Variants in PXDN observed in about 807,000 individuals in gnomAD.
PXDN encodes peroxidasin.
PXDN carries 77 observed loss-of-function variants against 140.3 expected under a neutral mutation model. The observed-to-expected ratio is 0.55, with a 90% confidence interval of 0.46 to 0.66. The LOEUF (loss-of-function observed/expected upper bound fraction) is 0.66. Ranked by LOEUF, PXDN falls within the 30% of genes least tolerant of loss-of-function variation. The probability of loss-of-function intolerance (pLI) is 0.00; values close to 1 mark genes in which losing one functional copy is unlikely to be tolerated. For synonymous variants in PXDN, 911 were observed against 857.4 expected, an observed-to-expected ratio of 1.06 and a Z score of -1.09; for missense variants, 1,838 against 2,039.5, an observed-to-expected ratio of 0.90 and a Z score of 1.90.
At chr2:1,694,837 A>C (rs1650115342) in intron 1 of PXDN, among the ~76,000 whole-genome samples, 1 of 152,196 alleles carries the variant, frequency 6.6e-6, no homozygotes, top group African/African-American at 2.4e-5. Flanking sequence ...GATCAAGTAC[A>C]GATAAGGAGA....
intron 1 of PXDN, among the ~76,000 whole-genome samples, chr2:1,702,120 C>T (rs116643878): frequency 3.3e-5 from 5 of 152,214 alleles, no homozygotes; most frequent in African/African-American, 1.2e-4. Context: ...TGGCCCTCAG[C>T]TAAAGAAACC....
chr2:1,663,768 A>G lies in PXDN; in HGVS notation c.1409-5T>C. ...GGTCCACGGAGAGCTGGCTCCCTGC[A>G]AGGGCATGGGCCCGTTACACTGGAC... is the stretch of plus-strand genomic sequence containing the variant. On this transcript the variant is annotated splice_polypyrimidine_tract_variant and splice_region_variant and intron_variant, in intron 11 of 22. Transcript: ENST00000252804. 2 of 1,611,544 alleles carry G rather than the reference A, an allele frequency of 1.2e-6. No homozygotes were observed. The highest frequency in any genetic ancestry group is 1.7e-6 in the Non-Finnish European group (2 of 1,179,824).
Position 1,701,205 on chromosome 2 carries a change from A to T in PXDN, c.201-8071T>A, listed in dbSNP as rs748749751. Among the ~76,000 whole-genome samples the T allele has an allele frequency of 3.9e-5, 6 of 152,196 alleles. No individual in the cohort carries two copies. The South Asian group carries it at 1.2e-3, about 32-fold the overall frequency. ...TGCTTCCTACTAAGGACTGCCTTTC[A>T]TCACTGAAGCAACACTCAGAGCTTG... On this transcript the variant is annotated intron_variant, in intron 1 of 22. Transcript: ENST00000252804.
At chr2:1,691,326 G>C (rs892496375) in intron 3 of PXDN, among the ~76,000 whole-genome samples, 1 of 152,150 alleles carries the variant, frequency 6.6e-6, no homozygotes, top group African/African-American at 2.4e-5. Context: ...TTCCCAGGAA[G>C]CTCATTTTCT....
At chr2:1,655,314 C>T (rs886415629) in intron 14 of PXDN, among the ~76,000 whole-genome samples, 14 of 151,684 alleles carry the variant, frequency 9.2e-5, no homozygotes, top group South Asian at 2.1e-4. Flanking sequence ...ACATCACACA[C>T]ACGCCACACA....
chr2:1,719,882 G>C, intron 1 of PXDN, among the ~76,000 whole-genome samples: 1 of 144,250 alleles, frequency 6.9e-6, no homozygotes, highest in African/African-American at 2.6e-5. Flanking sequence ...GTGAAAGAGA[G>C]AGAGGGAGGG....
chr2:1,690,008 A>C (rs928484554), intron 3 of PXDN, among the ~76,000 whole-genome samples: 1 of 152,222 alleles, frequency 6.6e-6, no homozygotes, highest in African/African-American at 2.4e-5. Flanking sequence ...CTCAATATAG[A>C]AGGCTGAAAT....
chr2:1,712,662 A>G (rs10186370), intron 1 of PXDN, among the ~76,000 whole-genome samples: 14,652 of 152,238 alleles, frequency 0.096, 1,545 homozygotes, highest in African/African-American at 0.27. Flanking sequence ...AGCGGCCAGC[A>G]GCAGAACTAA....
intron 1 of PXDN, among the ~76,000 whole-genome samples, chr2:1,716,421 G>A (rs1036981764): frequency 7.9e-6 from 1 of 127,138 alleles, no homozygotes; most frequent in African/African-American, 3.0e-5. Context: ...CTGGGCAACA[G>A]AGTGAGACTC....
At chr2:1,644,577 T>C in intron 18 of PXDN, 41 bp downstream of exon 18, 2 of 1,536,814 alleles carry the variant, frequency 1.3e-6, no homozygotes, top group Non-Finnish European at 1.8e-6. Context: ...CCTAAGAAGG[T>C]GGCTTAGGAG....
intron 8 of PXDN, 61 bp from the exon 9 acceptor site, chr2:1,673,873 TC>T: frequency 6.4e-7 from 1 of 1,570,184 alleles, no homozygotes; most frequent in Non-Finnish European, 8.7e-7. Flanking sequence ...ACCTCACCCA[TC>T]CCCAGCACAG....
At chr2:1,695,032 A>T (rs933839832) in intron 1 of PXDN, among the ~76,000 whole-genome samples, 1 of 152,206 alleles carries the variant, frequency 6.6e-6, no homozygotes, top group Admixed American at 6.5e-5. Flanking sequence ...TCCAGAAACC[A>T]AGCTGCTCCT....
intron 1 of PXDN, among the ~76,000 whole-genome samples, chr2:1,700,744 G>A (rs758885621): frequency 4.6e-5 from 7 of 151,938 alleles, no homozygotes; most frequent in Non-Finnish European, 7.4e-5. Context: ...GCGTGGTGGC[G>A]CACACCTGTA....
chr2:1,638,598 C>A (rs1682631265), intron 21 of PXDN, among the ~76,000 whole-genome samples: 1 of 152,166 alleles, frequency 6.6e-6, no homozygotes, highest in Non-Finnish European at 1.5e-5. Context: ...CTGGCAGTCA[C>A]ACGGCCGTGA....
chr2:1,699,751 T>C lies in PXDN; in HGVS notation c.201-6617A>G, dbSNP rs1473429283. 2.0e-5 allele frequency among the ~76,000 whole-genome samples: 3 copies of C among 152,248 alleles called. No homozygotes were observed. The East Asian group carries it at 5.8e-4, about 29-fold the overall frequency. On this transcript the variant is annotated intron_variant, in intron 1 of 22. Coordinates refer to ENST00000252804, the MANE Select transcript of PXDN (RefSeq NM_012293.3). ...CAAACAAACAAAAATAAATAAGAGT[T>C]TGCCAATTTGCCAACAAATTCAAAG...
Position 1,676,675 on chromosome 2 carries a change from C to T in PXDN, c.848+252G>A, listed in dbSNP as rs202215769. 171 of 533,782 alleles carry T rather than the reference C, an allele frequency of 3.2e-4. No individual in the cohort carries two copies. In the East Asian group the frequency reaches 4.8e-3, roughly 15 times the overall value. 33.1% of individuals were successfully genotyped at this position (533,782 alleles called of 1,614,324 possible). The stretch of plus-strand genomic sequence containing the variant: ...CCCACCGGGAAGGGCCGCAGTGACG[C>T]GTTGCCCAGCCAGGGCACCCCTGTG... On this transcript the variant is annotated intron_variant, in intron 8 of 22. Transcript: ENST00000252804.
intron 13 of PXDN, 86 bp from the exon 14 acceptor site, chr2:1,661,123 TTTG>T: frequency 6.7e-7 from 1 of 1,484,180 alleles, no homozygotes; most frequent in Non-Finnish European, 9.2e-7. Context: ...AGGGGAGCCA[TTTG>T]TTAGGATTTG....
At position 1,653,634 on chromosome 2, in the gene PXDN, C is replaced by A. The variant is rs1683063437; in HGVS notation, c.2098G>T (p.Gly700Ter). ...VQHGLMVDLN[G>*]TSYHYNDLVS... Reference sequence around the variant, plus strand: ...AAAAGGCTTTGGCACTGACTTGTTCCGTTGAGGTCGACCATCAAGCCATGC... The same window carrying A: ...AAAAGGCTTTGGCACTGACTTGTTCAGTTGAGGTCGACCATCAAGCCATGC... The change falls in exon 16 of 23, where the codon GGA becomes TGA. Residue 700 changes from glycine (G) to a stop codon, truncating the protein, a stop_gained. Coordinates refer to ENST00000252804, the MANE Select transcript of PXDN (RefSeq NM_012293.3). LOFTEE classifies it high-confidence loss of function. The A allele has an allele frequency of 6.2e-7, 1 of 1,612,632 alleles. No individual in the cohort carries two copies. Among genetic ancestry groups the A allele is most frequent in the Non-Finnish European group, 8.5e-7 (1 of 1,179,460 alleles).
chr2:1,704,710 A>C (rs2125461550), intron 1 of PXDN, among the ~76,000 whole-genome samples: 1 of 151,688 alleles, frequency 6.6e-6, no homozygotes, highest in African/African-American at 2.4e-5. Context: ...TCACAGGTAG[A>C]TAAGAGACAA....
Sources: allele counts gnomAD v4.1 joint callset (sites outside exome capture counted in the v4.1 genomes callset), GRCh38; gene constraint gnomAD v4.1.1; transcripts MANE v1.5; gene names NCBI Gene and HGNC (gene_info 2026-07-23, HGNC 2026-07-21).